Variants in PAPPA2 observed in about 807,000 individuals in gnomAD.
PAPPA2 encodes the protein pappalysin-2.
Under a neutral mutation model 176.4 loss-of-function variants are expected in PAPPA2, and 86 were observed. That is an observed-to-expected ratio of 0.49 (90% confidence interval 0.41 to 0.58). PAPPA2 has a LOEUF of 0.58. PAPPA2 is among the 20% of genes least tolerant of loss of function. The probability of loss-of-function intolerance (pLI) is 0.00; values close to 1 mark genes in which losing one functional copy is unlikely to be tolerated. For missense variants in PAPPA2, 2,073 were observed against 2,256.9 expected, an observed-to-expected ratio of 0.92 and a Z score of 1.65; for synonymous variants, 809 against 852.2, an observed-to-expected ratio of 0.95 and a Z score of 0.88.
chr1:176,799,600 A>G (rs900837107), intron 20 of PAPPA2, among the ~76,000 whole-genome samples: 1 of 152,224 alleles, frequency 6.6e-6, no homozygotes, highest in Non-Finnish European at 1.5e-5. Flanking sequence ...TCTGAGGTCC[A>G]CATTTAGTTG....
chr1:176,563,994 C>T (rs1407710628), intron 2 of PAPPA2, among the ~76,000 whole-genome samples: 1 of 151,964 alleles, frequency 6.6e-6, no homozygotes, highest in Non-Finnish European at 1.5e-5. Context: ...TTTTTTCCTT[C>T]AGAGTCAGAC....
At chr1:176,822,024 G>T (rs983170107) in intron 21 of PAPPA2, among the ~76,000 whole-genome samples, 2 of 152,160 alleles carry the variant, frequency 1.3e-5, no homozygotes, top group African/African-American at 2.4e-5. Flanking sequence ...GGAGCCTTAT[G>T]TACTAAAATC....
chr1:176,665,294 A>G (rs1447117889), intron 3 of PAPPA2, among the ~76,000 whole-genome samples: 1 of 152,090 alleles, frequency 6.6e-6, no homozygotes, highest in Non-Finnish European at 1.5e-5. Context: ...ATTCATGCCC[A>G]CCAGTTCTGT....
intron 1 of PAPPA2, among the ~76,000 whole-genome samples, chr1:176,483,923 T>C (rs763327955): frequency 3.9e-5 from 6 of 152,174 alleles, no homozygotes; most frequent in Non-Finnish European, 5.9e-5. Context: ...CTTCAGTAAA[T>C]AGCAACTCTA....
chr1:176,713,340 G>C (rs1254144623), intron 12 of PAPPA2, among the ~76,000 whole-genome samples: 1 of 151,942 alleles, frequency 6.6e-6, no homozygotes, highest in Non-Finnish European at 1.5e-5. Flanking sequence ...ATGTTATATA[G>C]AGATGGAGTC....
At chr1:176,507,527 G>A (rs145553091) in intron 1 of PAPPA2, among the ~76,000 whole-genome samples, 1 of 152,262 alleles carries the variant, frequency 6.6e-6, no homozygotes, top group African/African-American at 2.4e-5. Flanking sequence ...CAAAGACATG[G>A]AATCAAGCTT....
chr1:176,644,484 G>C (rs1165722460), intron 3 of PAPPA2, among the ~76,000 whole-genome samples: 1 of 151,718 alleles, frequency 6.6e-6, no homozygotes, highest in Non-Finnish European at 1.5e-5. Context: ...TAAAAAGGTT[G>C]TTTTCTGCAT....
intron 20 of PAPPA2, among the ~76,000 whole-genome samples, chr1:176,794,033 GA>G (rs1665307660): frequency 1.3e-5 from 2 of 152,224 alleles, no homozygotes; most frequent in South Asian, 4.1e-4. Flanking sequence ...CTGGGCAACA[GA>G]GCGAGACTCC....
At chr1:176,524,423 T>C (rs1442089838) in intron 1 of PAPPA2, among the ~76,000 whole-genome samples, 1 of 152,162 alleles carries the variant, frequency 6.6e-6, no homozygotes, top group Non-Finnish European at 1.5e-5. Flanking sequence ...ATTTTTTTCT[T>C]AAATTTTCAA....
chr1:176,665,088 G>A (rs993081766), intron 3 of PAPPA2, among the ~76,000 whole-genome samples: 1 of 152,142 alleles, frequency 6.6e-6, no homozygotes, highest in Non-Finnish European at 1.5e-5. Context: ...GGACCAGGGA[G>A]GAGAAATGGG....
chr1:176,679,889 C>G (rs1396714911), intron 4 of PAPPA2, among the ~76,000 whole-genome samples: 1 of 152,114 alleles, frequency 6.6e-6, no homozygotes, highest in African/African-American at 2.4e-5. Context: ...TAAAGCAATT[C>G]CTATGGCCCA....
intron 2 of PAPPA2, among the ~76,000 whole-genome samples, chr1:176,590,142 C>G (rs376665562): frequency 1.3e-5 from 2 of 152,254 alleles, no homozygotes; most frequent in South Asian, 2.1e-4. Flanking sequence ...ATATTTACCC[C>G]CTTTTAAATT....
intron 1 of PAPPA2, among the ~76,000 whole-genome samples, chr1:176,491,128 G>T (rs1430214966): frequency 6.6e-6 from 1 of 152,178 alleles, no homozygotes; most frequent in East Asian, 1.9e-4. Flanking sequence ...AGATAACTTT[G>T]TTCTTTGATC....
chr1:176,502,129 T>C (rs894491521), intron 1 of PAPPA2, among the ~76,000 whole-genome samples: 5 of 152,200 alleles, frequency 3.3e-5, no homozygotes, highest in African/African-American at 1.2e-4. Context: ...CTTGCAAGTT[T>C]TGTCATTTAC....
intron 1 of PAPPA2, among the ~76,000 whole-genome samples, chr1:176,526,301 C>G (rs1321741878): frequency 2.0e-5 from 3 of 152,218 alleles, no homozygotes; most frequent in Admixed American, 6.5e-5. Context: ...CATGACCACA[C>G]AGCTACCCTA....
At chr1:176,600,630 C>A (rs1256829551) in intron 3 of PAPPA2, among the ~76,000 whole-genome samples, 1 of 144,832 alleles carries the variant, frequency 6.9e-6, no homozygotes, top group African/African-American at 2.6e-5. Flanking sequence ...GAGCCGAGAT[C>A]GCGCCACTGC....
chr1:176,662,671 A>G (rs777426249), intron 3 of PAPPA2, among the ~76,000 whole-genome samples: 20 of 151,294 alleles, frequency 1.3e-4, no homozygotes, highest in South Asian at 4.2e-4. Flanking sequence ...CTCTTTTAAT[A>G]TCTGGTTCTT....
At chr1:176,688,128 T>C (rs1036037033) in intron 4 of PAPPA2, among the ~76,000 whole-genome samples, 1 of 152,202 alleles carries the variant, frequency 6.6e-6, no homozygotes, top group Non-Finnish European at 1.5e-5. Context: ...TTTCTGAAGA[T>C]TAGTTTTATT....
intron 17 of PAPPA2, among the ~76,000 whole-genome samples, chr1:176,781,615 A>G (rs2102926097): frequency 6.6e-6 from 1 of 152,008 alleles, no homozygotes; most frequent in East Asian, 1.9e-4. Flanking sequence ...TGTTAGAGGA[A>G]AACTGGCATG....
Sources: allele counts gnomAD v4.1 joint callset (sites outside exome capture counted in the v4.1 genomes callset), GRCh38; gene constraint gnomAD v4.1.1; transcripts MANE v1.5; gene names NCBI Gene and HGNC (gene_info 2026-07-23, HGNC 2026-07-21).